Variants in ZCCHC14 observed in about 807,000 individuals in gnomAD.
ZCCHC14 encodes zinc finger CCHC domain-containing protein 14.
ZCCHC14 carries 16 observed loss-of-function variants against 85.0 expected under a neutral mutation model. That is an observed-to-expected ratio of 0.19 (90% CI 0.13 to 0.29). The LOEUF (loss-of-function observed/expected upper bound fraction) is 0.29, where lower values mean the gene tolerates loss of function less well. Ranked by LOEUF, ZCCHC14 falls within the 10% of genes least tolerant of loss-of-function variation. The pLI, the probability that ZCCHC14 is intolerant of heterozygous loss-of-function variation, is 1.00. For missense variants in ZCCHC14, 1,303 were observed against 1,443.5 expected (o/e 0.90, Z 1.58); for synonymous variants, 775 against 630.7 (o/e 1.23, Z -3.43).
chr16:87,462,261 G>A (rs13337634), intron 1 of ZCCHC14, among the ~76,000 whole-genome samples: 6,426 of 152,034 alleles, frequency 0.042, 214 homozygotes, highest in African/African-American at 0.094. Context: ...ATTTCCTTCC[G>A]ATTTAACAAA....
At chr16:87,417,774 G>C (rs1449744477) in intron 7 of ZCCHC14, 32 bp from the exon 8 acceptor site, 1 of 1,533,582 alleles carries the variant, frequency 6.5e-7, no homozygotes, top group South Asian at 1.2e-5. Context: ...GACACAGAGA[G>C]ACTGTGGCTT....
chr16:87,469,861 CCCAGCTCCG>C (rs1911700663), intron 1 of ZCCHC14, among the ~76,000 whole-genome samples: 1 of 152,140 alleles, frequency 6.6e-6, no homozygotes, highest in Non-Finnish European at 1.5e-5. Flanking sequence ...CCACAGCCAC[CCCAGCTCCG>C]TGTTCCCTGC....
At position 87,436,195 on chromosome 16, in the gene ZCCHC14, G is replaced by A. The variant is rs564282438; in HGVS notation, c.695-2994C>T. On this transcript the variant is annotated intron_variant, in intron 2 of 12. Coordinates refer to ENST00000671377, the MANE Select transcript of ZCCHC14 (RefSeq NM_015144.3). Reference sequence around the variant, plus strand: ...GTGACTCAGTCATATTTCATATCTGGACAGGAAAATGGGAAAAAGCAGATG... The same window carrying A: ...GTGACTCAGTCATATTTCATATCTGAACAGGAAAATGGGAAAAAGCAGATG... Among the ~76,000 whole-genome samples the A allele has an allele frequency of 2.0e-5, 3 of 152,362 alleles. No homozygotes were observed. The East Asian group carries it at 5.8e-4, about 29-fold the overall frequency.
At chr16:87,437,293 C>T (rs1243277102) in intron 2 of ZCCHC14, among the ~76,000 whole-genome samples, 4 of 127,796 alleles carry the variant, frequency 3.1e-5, no homozygotes, top group South Asian at 2.6e-4. Context: ...CTGAGATTTG[C>T]GCCATTGCAC....
chr16:87,424,005 G>A, intron 3 of ZCCHC14, 124 bp from the exon 4 acceptor site: 1 of 896,528 alleles, frequency 1.1e-6, no homozygotes, highest in Non-Finnish European at 1.7e-6. Flanking sequence ...CCGTGCACCT[G>A]CTGTGGGAAG....
At chr16:87,428,118 C>A (rs1028189436) in intron 3 of ZCCHC14, among the ~76,000 whole-genome samples, 1 of 151,926 alleles carries the variant, frequency 6.6e-6, no homozygotes, top group Non-Finnish European at 1.5e-5. Flanking sequence ...GAGGAACTAG[C>A]GATTATAATT....
In ZCCHC14 at chr16:87,480,396, CTG is replaced by C. The variant is rs534275689; in HGVS notation, c.570+11271_570+11272del. 3.9e-5 allele frequency among the ~76,000 whole-genome samples: 6 copies of C among 151,984 alleles called. No individual in the cohort carries two copies. The South Asian group carries it at 1.2e-3, about 32-fold the overall frequency. On this transcript the variant is annotated intron_variant, in intron 1 of 12. Transcript: ENST00000671377. The stretch of plus-strand genomic sequence containing the variant: ...CCAGCCTGGGCGACAGAGCGAGACA[CTG>C]TCTCAAAAAAAATAAATAAATAAAA...
At chr16:87,455,672 C>G (rs1247394154) in intron 2 of ZCCHC14, among the ~76,000 whole-genome samples, 1 of 152,196 alleles carries the variant, frequency 6.6e-6, no homozygotes, top group African/African-American at 2.4e-5. Flanking sequence ...AGGCAACCAG[C>G]TTAAAAATAG....
In ZCCHC14 at chr16:87,420,759, C is replaced by A. The variant is rs764943951; in HGVS notation, c.841-43G>T. ...GTAGAGGAGGTGTGTCCAGACCCAT[C>A]CAACACCAGCAGAATTCTGCTACTG... is the stretch of plus-strand genomic sequence containing the variant. On this transcript the variant is annotated intron_variant, in intron 4 of 12. Coordinates refer to ENST00000671377, the MANE Select transcript of ZCCHC14 (RefSeq NM_015144.3). This position sits in a 1 kb window ranked among gnomAD's most constrained non-coding sequence, Gnocchi z 5.0. 6.6e-7 allele frequency: 1 copy of A among 1,515,530 alleles called. No individual in the cohort carries two copies. Among genetic ancestry groups the A allele is most frequent in the East Asian group, 2.4e-5 (1 of 42,518 alleles). 93.9% of individuals were successfully genotyped at this position (1,515,530 alleles called of 1,614,324 possible).
chr16:87,461,905 C>A (rs944547780), intron 1 of ZCCHC14, among the ~76,000 whole-genome samples: 2 of 152,184 alleles, frequency 1.3e-5, no homozygotes, highest in Non-Finnish European at 2.9e-5. Context: ...AGATCCCACG[C>A]GGCTCAACAG....
Position 87,491,559 on chromosome 16 carries a change from T to C in ZCCHC14, c.570+110A>G. 9.8e-7 allele frequency: 1 copy of C among 1,023,438 alleles called. No individual in the cohort carries two copies. Among genetic ancestry groups the C allele is most frequent in the Non-Finnish European group, 1.3e-6 (1 of 777,274 alleles). 63.4% of individuals were successfully genotyped at this position (1,023,438 alleles called of 1,614,324 possible). On this transcript the variant is annotated intron_variant, in intron 1 of 12. Coordinates refer to ENST00000671377, the MANE Select transcript of ZCCHC14 (RefSeq NM_015144.3). The surrounding 1 kb of genome is among the most constrained non-coding windows in gnomAD (Gnocchi z 5.9). Reference sequence around the variant, plus strand: ...TGGAGACCTGGGTGGGAGCTCTCAGTGCAGGCTGGAGGCGTGGGTCGGGGG... The same window carrying C: ...TGGAGACCTGGGTGGGAGCTCTCAGCGCAGGCTGGAGGCGTGGGTCGGGGG...
rs543124486 is a variant in ZCCHC14 at position 87,487,584 on chromosome 16, A to G, written c.570+4085T>C. Among the ~76,000 whole-genome samples the G allele has an allele frequency of 3.3e-5, 5 of 152,394 alleles. No homozygotes were observed. The South Asian group carries it at 6.2e-4, about 19-fold the overall frequency. ...CACCTAGCAATCCACCAGGTGGAAC[A>G]GGAGCCCTCAGGACAGCCCCGCACC... is the stretch of plus-strand genomic sequence containing the variant. On this transcript the variant is annotated intron_variant, in intron 1 of 12. Transcript: ENST00000671377.
chr16:87,425,591 GAA>G (rs1240506570), intron 3 of ZCCHC14, among the ~76,000 whole-genome samples: 1 of 151,340 alleles, frequency 6.6e-6, no homozygotes, highest in Non-Finnish European at 1.5e-5. Flanking sequence ...AAAAAAGAAA[GAA>G]AGAAAGAAAA....
intron 2 of ZCCHC14, among the ~76,000 whole-genome samples, chr16:87,451,510 G>C (rs1910701331): frequency 2.0e-5 from 3 of 152,204 alleles, no homozygotes; most frequent in Non-Finnish European, 4.4e-5. Context: ...ATTTCCATTT[G>C]TAATGATTAG....
intron 1 of ZCCHC14, among the ~76,000 whole-genome samples, chr16:87,470,099 T>C (rs1911711571): frequency 6.6e-6 from 1 of 151,884 alleles, no homozygotes; most frequent in Admixed American, 6.6e-5. Context: ...TTGGGAGGCT[T>C]AGACAGGTGG....
At chr16:87,430,106 G>T (rs35656061) in intron 3 of ZCCHC14, among the ~76,000 whole-genome samples, 4,977 of 152,246 alleles carry the variant, frequency 0.033, 118 homozygotes, top group South Asian at 0.051. Context: ...GATGTTTTCA[G>T]CACCGTATCT....
intron 1 of ZCCHC14, among the ~76,000 whole-genome samples, chr16:87,463,869 G>T (rs1490903035): frequency 6.6e-6 from 1 of 152,148 alleles, no homozygotes; most frequent in African/African-American, 2.4e-5. Context: ...ACTCAGGCTG[G>T]AATGCAGTGG....
chr16:87,445,279 A>T (rs1910381912), intron 2 of ZCCHC14, among the ~76,000 whole-genome samples: 1 of 152,002 alleles, frequency 6.6e-6, no homozygotes, highest in East Asian at 1.9e-4. Flanking sequence ...GTTGACCAGG[A>T]TGGTCTCGAT....
At chr16:87,443,207 A>G (rs571326030) in intron 2 of ZCCHC14, among the ~76,000 whole-genome samples, 458 of 152,354 alleles carry the variant, frequency 3.0e-3, no homozygotes, top group African/African-American at 0.01. Flanking sequence ...TGTGACCGGA[A>G]GGGCAGAGGC....
Sources: gnomAD v4.1 joint callset for allele counts (sites outside exome capture counted in the v4.1 genomes callset) on GRCh38, gnomAD v4.1.1 for gene constraint, Gnocchi (gnomAD v3.1) non-coding constraint, MANE v1.5 for transcripts, NCBI Gene and HGNC (gene_info 2026-07-23, HGNC 2026-07-21) for gene names.